PDSS2: variants seen among roughly 807,000 people sequenced by gnomAD.
The protein encoded by PDSS2 is all trans-polyprenyl-diphosphate synthase PDSS2.
PDSS2 carries 31 observed loss-of-function variants against 44.5 expected under a neutral mutation model. That is an observed-to-expected ratio of 0.70 (90% CI 0.52 to 0.94). PDSS2 has a LOEUF of 0.94. PDSS2 is among the 40% of genes least tolerant of loss of function. PDSS2 has a pLI of 0.00. For synonymous variants in PDSS2, 157 were observed against 180.3 expected, an observed-to-expected ratio of 0.87 and a Z score of 1.03; for missense variants, 452 against 482.2, an observed-to-expected ratio of 0.94 and a Z score of 0.59.
intron 2 of PDSS2, among the ~76,000 whole-genome samples, chr6:107,286,267 G>A (rs959411486): frequency 2.1e-4 from 32 of 152,098 alleles, no homozygotes; most frequent in African/African-American, 6.7e-4. Context: ...CAGCACTTTG[G>A]GAGGCTGAGG....
At chr6:107,298,416 A>G (rs11751353) in intron 2 of PDSS2, among the ~76,000 whole-genome samples, 35,301 of 152,090 alleles carry the variant, frequency 0.23, 4,629 homozygotes, top group East Asian at 0.45. Flanking sequence ...TCTGAAGATG[A>G]TATGAAGCAT....
At chr6:107,307,930 A>T (rs1776914822) in intron 2 of PDSS2, among the ~76,000 whole-genome samples, 1 of 152,210 alleles carries the variant, frequency 6.6e-6, no homozygotes, top group Non-Finnish European at 1.5e-5. Flanking sequence ...GTAAGCTTTG[A>T]AGATAGTAAG....
chr6:107,432,825 A>T (rs1326780806), intron 1 of PDSS2, among the ~76,000 whole-genome samples: 1 of 152,068 alleles, frequency 6.6e-6, no homozygotes, highest in African/African-American at 2.4e-5. Flanking sequence ...TCACTAAATT[A>T]CTGTTAACCA....
At chr6:107,379,207 T>A (rs1337586696) in intron 1 of PDSS2, among the ~76,000 whole-genome samples, 1 of 152,240 alleles carries the variant, frequency 6.6e-6, no homozygotes, top group Admixed American at 6.5e-5. Context: ...ATATTTATAG[T>A]ATGCTTTGAG....
chr6:107,437,042 G>T (rs1427036205), intron 1 of PDSS2, among the ~76,000 whole-genome samples: 2 of 151,908 alleles, frequency 1.3e-5, no homozygotes, highest in Non-Finnish European at 2.9e-5. Flanking sequence ...TGTCACTCAG[G>T]CTGGAGGAGT....
At chr6:107,362,191 G>C (rs765683606) in intron 1 of PDSS2, among the ~76,000 whole-genome samples, 4 of 152,144 alleles carry the variant, frequency 2.6e-5, no homozygotes, top group Non-Finnish European at 4.4e-5. Flanking sequence ...TTGCCACAGA[G>C]ACCAGAGAGG....
chr6:107,386,280 A>G (rs1181804106), intron 1 of PDSS2, among the ~76,000 whole-genome samples: 1 of 152,126 alleles, frequency 6.6e-6, no homozygotes, highest in African/African-American at 2.4e-5. Flanking sequence ...GATTTGTACA[A>G]TGAGGAACAG....
At position 107,402,495 on chromosome 6, in the gene PDSS2, T is replaced by TGTATACATATATACGTATATAC. The variant is rs1562516251; in HGVS notation, c.296+56494_296+56495insGTATATACGTATATATGTATAC. 7.8e-4 allele frequency among the ~76,000 whole-genome samples: 62 copies of TGTATACATATATACGTATATAC among 79,014 alleles called. 9 individuals carry two copies. Among genetic ancestry groups the TGTATACATATATACGTATATAC allele is most frequent in the Admixed American group, 1.4e-3 (10 of 7,134 alleles). The allele number at this position is 79,014 out of a possible 152,430, so 51.8% of individuals were successfully genotyped here. A position where few individuals can be genotyped will look rare whatever the true frequency, so the allele number is the denominator to read the frequency against. ...ATATGTATACATATATACGTATATA[T>TGTATACATATATACGTATATAC]GTATACATATATATACACACACATA... On this transcript the variant is annotated intron_variant, in intron 1 of 7. Transcript: ENST00000369037.
At chr6:107,381,087 A>T (rs79532212) in intron 1 of PDSS2, among the ~76,000 whole-genome samples, 3,406 of 152,174 alleles carry the variant, frequency 0.022, 107 homozygotes, top group East Asian at 0.12. Flanking sequence ...AAATGTAAGC[A>T]CCCTAATAAT....
intron 1 of PDSS2, among the ~76,000 whole-genome samples, chr6:107,348,622 A>G (rs755338150): frequency 1.8e-4 from 28 of 152,230 alleles, no homozygotes; most frequent in Non-Finnish European, 2.6e-4. Flanking sequence ...ATTTATTTCA[A>G]TGTGTTGACC....
chr6:107,305,877 G>A (rs1383961668), intron 2 of PDSS2, among the ~76,000 whole-genome samples: 1 of 152,078 alleles, frequency 6.6e-6, no homozygotes, highest in African/African-American at 2.4e-5. Flanking sequence ...GTGCGGAGGG[G>A]CCTTAACATT....
chr6:107,303,146 G>C (rs1334638706), intron 2 of PDSS2, among the ~76,000 whole-genome samples: 2 of 152,186 alleles, frequency 1.3e-5, no homozygotes. Flanking sequence ...TTCCATCGCA[G>C]AAGAGCAAGG....
intron 1 of PDSS2, among the ~76,000 whole-genome samples, chr6:107,361,758 C>T (rs1381422496): frequency 1.3e-5 from 2 of 152,294 alleles, no homozygotes; most frequent in East Asian, 3.9e-4. Flanking sequence ...AACTATAAAG[C>T]TGAACAAAAT....
chr6:107,267,386 A>G (rs1449895961), intron 3 of PDSS2, among the ~76,000 whole-genome samples: 1 of 152,198 alleles, frequency 6.6e-6, no homozygotes, highest in Non-Finnish European at 1.5e-5. Flanking sequence ...ATCACAGACC[A>G]CTGCAAATAT....
At chr6:107,362,101 T>C (rs138521217) in intron 1 of PDSS2, among the ~76,000 whole-genome samples, 39 of 150,092 alleles carry the variant, frequency 2.6e-4, no homozygotes, top group African/African-American at 9.4e-4. Context: ...GCAGACAAAC[T>C]AGCCAAATAT....
chr6:107,374,424 A>C (rs1779221202), intron 1 of PDSS2, among the ~76,000 whole-genome samples: 1 of 152,228 alleles, frequency 6.6e-6, no homozygotes, highest in Non-Finnish European at 1.5e-5. Flanking sequence ...GCATGTAGTT[A>C]TGTAGGTTTT....
intron 7 of PDSS2, among the ~76,000 whole-genome samples, chr6:107,161,032 A>G (rs910420287): frequency 6.0e-5 from 9 of 150,770 alleles, no homozygotes; most frequent in African/African-American, 1.9e-4. Context: ...GCCACTGCGC[A>G]TGGCCAATTT....
chr6:107,438,718 C>A (rs1447581014), intron 1 of PDSS2, among the ~76,000 whole-genome samples: 15 of 152,064 alleles, frequency 9.9e-5, no homozygotes, highest in Admixed American at 9.8e-4. Context: ...CAAGAGCTGG[C>A]AAAAGGGAAA....
chr6:107,200,173 C>T (rs950603322), intron 6 of PDSS2, among the ~76,000 whole-genome samples: 1 of 152,174 alleles, frequency 6.6e-6, no homozygotes, highest in Non-Finnish European at 1.5e-5. Flanking sequence ...GCCTTGTCTA[C>T]TGATTACAGC....
Sources: allele counts gnomAD v4.1 joint callset (sites outside exome capture counted in the v4.1 genomes callset), GRCh38; gene constraint gnomAD v4.1.1; transcripts MANE v1.5; gene names NCBI Gene and HGNC (gene_info 2026-07-23, HGNC 2026-07-21).